Variants in HIVEP2 observed in about 807,000 individuals in gnomAD.
HIVEP2 encodes transcription factor HIVEP2.
HIVEP2 carries 14 observed loss-of-function variants against 180.7 expected under a neutral mutation model. The observed-to-expected ratio is 0.08, with a 90% CI of 0.05 to 0.12. The LOEUF (loss-of-function observed/expected upper bound fraction) is 0.12, where lower values mean the gene tolerates loss of function less well. Ranked by LOEUF, HIVEP2 falls within the 10% of genes least tolerant of loss-of-function variation. The pLI is 1.00. For synonymous variants in HIVEP2, 1,184 were observed against 1,136.4 expected, an observed-to-expected ratio of 1.04 and a Z score of -0.84; for missense variants, 2,579 against 3,008.5, an observed-to-expected ratio of 0.86 and a Z score of 3.34.
intron 9 of HIVEP2, among the ~76,000 whole-genome samples, chr6:142,756,741 T>C (rs567190203): frequency 2.6e-5 from 4 of 151,992 alleles, no homozygotes; most frequent in African/African-American, 7.2e-5. Context: ...CCTCGAACCA[T>C]GCGTAGTAGA....
intron 3 of HIVEP2, among the ~76,000 whole-genome samples, chr6:142,782,876 C>A (rs891182461): frequency 3.3e-5 from 5 of 152,090 alleles, no homozygotes; most frequent in African/African-American, 9.7e-5. Flanking sequence ...TTTTGTCATA[C>A]CTTTTAAAAT....
At chr6:142,816,606 C>T (rs1776843793) in intron 2 of HIVEP2, among the ~76,000 whole-genome samples, 1 of 152,210 alleles carries the variant, frequency 6.6e-6, no homozygotes, top group South Asian at 2.1e-4. Flanking sequence ...GTTCTTCACT[C>T]TAACTCACTG....
intron 1 of HIVEP2, among the ~76,000 whole-genome samples, chr6:142,872,867 A>G (rs1776327814): frequency 6.6e-6 from 1 of 152,176 alleles, no homozygotes; most frequent in African/African-American, 2.4e-5. Flanking sequence ...GATGCTTTTC[A>G]GTGTATTATC....
chr6:142,758,843 C>T (rs1053471945), intron 9 of HIVEP2, among the ~76,000 whole-genome samples: 3 of 152,064 alleles, frequency 2.0e-5, no homozygotes, highest in East Asian at 3.9e-4. Context: ...CTTGGGCCCA[C>T]GCTTCCACTG....
chr6:142,846,151 A>T (rs1582908536), intron 1 of HIVEP2, among the ~76,000 whole-genome samples: 1 of 152,156 alleles, frequency 6.6e-6, no homozygotes, highest in African/African-American at 2.4e-5. Context: ...GCGGCAGGGG[A>T]GTGTGTTGCC....
At chr6:142,835,203 T>G (rs983821297) in intron 2 of HIVEP2, among the ~76,000 whole-genome samples, 1 of 152,170 alleles carries the variant, frequency 6.6e-6, no homozygotes, top group Non-Finnish European at 1.5e-5. Context: ...AGCAGCATCC[T>G]TATTTAATGC....
intron 1 of HIVEP2, among the ~76,000 whole-genome samples, chr6:142,870,656 TG>T (rs1164700706): frequency 6.6e-6 from 1 of 152,196 alleles, no homozygotes; most frequent in Non-Finnish European, 1.5e-5. Context: ...GCAAGTGCTC[TG>T]GGTGCATTAC....
chr6:142,811,234 A>G (rs1776690183), intron 2 of HIVEP2, among the ~76,000 whole-genome samples: 2 of 152,260 alleles, frequency 1.3e-5, no homozygotes, highest in Admixed American at 1.3e-4. Context: ...ACAGAGAGAA[A>G]GCGCAAACAA....
In HIVEP2 at chr6:142,923,616, T is replaced by C. The variant is rs373771235; in HGVS notation, c.-641+21483A>G. Among the ~76,000 whole-genome samples, 26 of 152,330 alleles carry C rather than the reference T, an allele frequency of 1.7e-4. No homozygotes were observed. The East Asian group carries it at 2.5e-3, about 15-fold the overall frequency. On this transcript the variant is annotated intron_variant, in intron 1 of 9. Coordinates refer to ENST00000367603, the MANE Select transcript of HIVEP2 (RefSeq NM_006734.4). Reference sequence around the variant, plus strand: ...CATCTGTTTTTTATTCAGTTGTACCTTAGCAAGGCAGAGAAATGAAGACCC... The same window carrying C: ...CATCTGTTTTTTATTCAGTTGTACCCTAGCAAGGCAGAGAAATGAAGACCC...
chr6:142,858,080 G>C (rs1366739464), intron 1 of HIVEP2, among the ~76,000 whole-genome samples: 5 of 152,202 alleles, frequency 3.3e-5, no homozygotes, highest in African/African-American at 9.7e-5. Flanking sequence ...CTCAACCCAG[G>C]CTTGGGAAAC....
At chr6:142,926,764 G>A (rs1777821393) in intron 1 of HIVEP2, among the ~76,000 whole-genome samples, 1 of 152,120 alleles carries the variant, frequency 6.6e-6, no homozygotes, top group South Asian at 2.1e-4. Context: ...CGGGGCGCGC[G>A]TTCTCCCTCC....
chr6:142,803,911 C>T (rs1048525910), intron 2 of HIVEP2, among the ~76,000 whole-genome samples: 2 of 152,150 alleles, frequency 1.3e-5, no homozygotes, highest in Non-Finnish European at 2.9e-5. Flanking sequence ...CAAATCATCT[C>T]ATTTTCATAT....
At chr6:142,905,133 T>C (rs1486692950) in intron 1 of HIVEP2, among the ~76,000 whole-genome samples, 2 of 152,204 alleles carry the variant, frequency 1.3e-5, no homozygotes, top group African/African-American at 4.8e-5. Context: ...CCTTCCTCCA[T>C]TGTATGAAAT....
chr6:142,781,300 C>T (rs1227180277), intron 3 of HIVEP2, among the ~76,000 whole-genome samples: 2 of 152,142 alleles, frequency 1.3e-5, no homozygotes, highest in Non-Finnish European at 2.9e-5. Flanking sequence ...AGCGAGTCGT[C>T]ACTTTATTCA....
chr6:142,870,954 A>G (rs771506722), intron 1 of HIVEP2, among the ~76,000 whole-genome samples: 7 of 152,164 alleles, frequency 4.6e-5, no homozygotes, highest in Non-Finnish European at 8.8e-5. Flanking sequence ...TTACCATACC[A>G]TATAGATATA....
At chr6:142,757,169 A>T (rs551682955) in intron 9 of HIVEP2, among the ~76,000 whole-genome samples, 1 of 152,268 alleles carries the variant, frequency 6.6e-6, no homozygotes, top group African/African-American at 2.4e-5. Context: ...TTCACACCAC[A>T]GTCAGTGTCC....
Position 142,844,173 on chromosome 6 carries a change from T to TA in HIVEP2, c.-640-7127dup, listed in dbSNP as rs761199156. Among the ~76,000 whole-genome samples, 8 of 152,290 alleles carry TA rather than the reference T, an allele frequency of 5.3e-5. No individual in the cohort carries two copies. In the South Asian group the frequency reaches 1.7e-3, roughly 32 times the overall value. On this transcript the variant is annotated intron_variant, in intron 1 of 9. Coordinates refer to ENST00000367603, the MANE Select transcript of HIVEP2 (RefSeq NM_006734.4). ...TGAATTATACCTTATGTGTTTTTTT[T>TA]AATCTTAAAAGAGTTTTTCCTACCA...
intron 2 of HIVEP2, among the ~76,000 whole-genome samples, chr6:142,796,713 C>T (rs571596923): frequency 9.2e-5 from 14 of 152,196 alleles, no homozygotes; most frequent in Middle Eastern, 6.8e-3. Flanking sequence ...TCCTGTGGGT[C>T]CCATGGTGTT....
chr6:142,911,183 A>T (rs868722372), intron 1 of HIVEP2, among the ~76,000 whole-genome samples: 2 of 151,602 alleles, frequency 1.3e-5, no homozygotes, highest in South Asian at 2.1e-4. Context: ...CACAAACAAC[A>T]TTTCAGGGGA....
Sources: gnomAD v4.1 joint callset for allele counts (sites outside exome capture counted in the v4.1 genomes callset) on GRCh38, gnomAD v4.1.1 for gene constraint, MANE v1.5 for transcripts, NCBI Gene and HGNC (gene_info 2026-07-23, HGNC 2026-07-21) for gene names.